ANO3: variants seen among roughly 807,000 people sequenced by gnomAD.
The protein encoded by ANO3 is anoctamin 3.
Under a neutral mutation model 144.8 loss-of-function variants are expected in ANO3, and 99 were observed. The observed-to-expected ratio is 0.68, with a 90% confidence interval of 0.58 to 0.81. The LOEUF (loss-of-function observed/expected upper bound fraction) is 0.81, where lower values mean the gene tolerates loss of function less well. Ranked by LOEUF, ANO3 falls within the 30% of genes least tolerant of loss-of-function variation. The pLI, the probability that ANO3 is intolerant of heterozygous loss-of-function variation, is 0.00. For missense variants in ANO3, 905 were observed against 1,202.2 expected (o/e 0.75, Z 3.66); for synonymous variants, 414 against 392.6 (o/e 1.05, Z -0.64).
intron 1 of ANO3, among the ~76,000 whole-genome samples, chr11:26,353,010 A>G (rs1855687563): frequency 6.6e-6 from 1 of 152,186 alleles, no homozygotes; most frequent in Non-Finnish European, 1.5e-5. Context: ...AAGTACAGAG[A>G]TTTATTGCAA....
At chr11:26,581,259 G>A (rs1473417718) in intron 14 of ANO3, among the ~76,000 whole-genome samples, 1 of 150,516 alleles carries the variant, frequency 6.6e-6, no homozygotes, top group Non-Finnish European at 1.5e-5. Context: ...GACATTGTAA[G>A]TCCTCAGTAA....
chr11:26,190,388 T>C (rs2133901892), intron 1 of ANO3, among the ~76,000 whole-genome samples: 1 of 152,266 alleles, frequency 6.6e-6, no homozygotes, highest in Non-Finnish European at 1.5e-5. Flanking sequence ...CATTCTTTTA[T>C]AAATTTTCAT....
At chr11:26,618,897 G>C (rs1233881269) in intron 17 of ANO3, among the ~76,000 whole-genome samples, 1 of 151,954 alleles carries the variant, frequency 6.6e-6, no homozygotes, top group South Asian at 2.1e-4. Context: ...TTTCAATATT[G>C]TATTTAGAAT....
intron 1 of ANO3, among the ~76,000 whole-genome samples, chr11:26,268,603 T>TAAA (rs1303365919): frequency 6.6e-6 from 1 of 152,126 alleles, no homozygotes; most frequent in Non-Finnish European, 1.5e-5. Flanking sequence ...ACTTACTTAT[T>TAAA]GGCTTTTCAA....
chr11:26,643,354 T>G lies in ANO3; in HGVS notation c.2428+20T>G. The G allele has an allele frequency of 6.2e-7, 1 of 1,613,178 alleles. No homozygotes were observed. The highest frequency in any genetic ancestry group is 8.5e-7 in the Non-Finnish European group (1 of 1,179,678). On this transcript the variant is annotated intron_variant, in intron 23 of 26. Transcript: ENST00000256737. ...ACATAGGTAAGATTCGGAAGTTAAA[T>G]GATTTTTACGTTGCTAACACCAATA...
intron 14 of ANO3, chr11:26,566,961 G>T: frequency 8.6e-7 from 1 of 1,168,268 alleles, no homozygotes; most frequent in Non-Finnish European, 1.1e-6. Flanking sequence ...CTTAATAGAT[G>T]CTAACCTCCA....
At chr11:26,331,066 C>T (rs559570522), upstream of ANO3, among the ~76,000 whole-genome samples, 1 of 152,288 alleles carries the variant, frequency 6.6e-6, no homozygotes, top group Non-Finnish European at 1.5e-5. Context: ...GTTCAGCTAG[C>T]TTCTGGTCCT....
chr11:26,649,715 C>A (rs1488153411), intron 24 of ANO3, among the ~76,000 whole-genome samples: 2 of 148,918 alleles, frequency 1.3e-5, no homozygotes, highest in East Asian at 2.0e-4. Flanking sequence ...CCAGCCTGGA[C>A]GACAGGGCAA....
intron 17 of ANO3, among the ~76,000 whole-genome samples, chr11:26,613,524 T>C (rs990232361): frequency 2.6e-5 from 4 of 152,236 alleles, no homozygotes; most frequent in Admixed American, 2.0e-4. Flanking sequence ...TAGAGACTTA[T>C]TGTGTTTCTT....
intron 1 of ANO3, among the ~76,000 whole-genome samples, chr11:26,210,195 T>C (rs1851903517): frequency 6.6e-6 from 1 of 152,214 alleles, no homozygotes; most frequent in East Asian, 1.9e-4. Flanking sequence ...ATTTCATTTC[T>C]CTGCATATGG....
At chr11:26,511,372 C>T (rs935986036) in intron 5 of ANO3, among the ~76,000 whole-genome samples, 1 of 152,138 alleles carries the variant, frequency 6.6e-6, no homozygotes, top group Non-Finnish European at 1.5e-5. Context: ...TCTGTAAAAA[C>T]TCTGCCTATG....
At chr11:26,654,408 T>A (rs567904553) in intron 24 of ANO3, among the ~76,000 whole-genome samples, 10 of 152,128 alleles carry the variant, frequency 6.6e-5, no homozygotes, top group Non-Finnish European at 7.4e-5. Context: ...AATTTTATTT[T>A]CTTTTGTTTG....
chr11:26,314,086 T>C (rs1293819839), intron 1 of ANO3, among the ~76,000 whole-genome samples: 1 of 152,064 alleles, frequency 6.6e-6, no homozygotes. Flanking sequence ...TTAATTTCAA[T>C]GTGGCAAATT....
chr11:26,460,038 G>A (rs1193673448), intron 3 of ANO3: 2 of 446,520 alleles, frequency 4.5e-6, no homozygotes, highest in Admixed American at 2.4e-5. Flanking sequence ...CTTCCCACCA[G>A]TCTTCATTTT....
chr11:26,265,536 C>A (rs1231248307), intron 1 of ANO3, among the ~76,000 whole-genome samples: 10 of 152,264 alleles, frequency 6.6e-5, no homozygotes, highest in African/African-American at 2.4e-4. Context: ...AACAATAAGA[C>A]ACAGTCTCAG....
chr11:26,221,916 A>C (rs1229493480), intron 1 of ANO3, among the ~76,000 whole-genome samples: 17 of 152,176 alleles, frequency 1.1e-4, no homozygotes, highest in Admixed American at 1.1e-3. Flanking sequence ...CCAACACTAG[A>C]GGTCACATTT....
At chr11:26,467,247 G>A (rs1056348405) in intron 4 of ANO3, among the ~76,000 whole-genome samples, 5 of 151,844 alleles carry the variant, frequency 3.3e-5, no homozygotes, top group Non-Finnish European at 5.9e-5. Flanking sequence ...ATTACATTGG[G>A]ATAAATGAGG....
At position 26,350,942 on chromosome 11, in the gene ANO3, T is replaced by C. The variant is rs184639582; in HGVS notation, c.46+18621T>C. On this transcript the variant is annotated intron_variant, in intron 1 of 26. Transcript: ENST00000256737. ...GCAATGAAATCTAATTTCCAGCAATTATATATGAGTACTGAATCTATCATT... is the reference window on the plus strand; with the variant it reads ...GCAATGAAATCTAATTTCCAGCAATCATATATGAGTACTGAATCTATCATT... Among the ~76,000 whole-genome samples, 5 of 152,274 alleles carry C rather than the reference T, an allele frequency of 3.3e-5. No individual in the cohort carries two copies. In the East Asian group the frequency reaches 9.6e-4, roughly 29 times the overall value.
chr11:26,208,356 C>CA (rs891376524), intron 1 of ANO3: 103 of 151,678 alleles, frequency 6.8e-4, no homozygotes, highest in African/African-American at 2.2e-3. Flanking sequence ...CCAAAAAATA[C>CA]AAAAAAAATA....
Sources: gnomAD v4.1 joint callset for allele counts (sites outside exome capture counted in the v4.1 genomes callset) on GRCh38, gnomAD v4.1.1 for gene constraint, MANE v1.5 for transcripts, NCBI Gene and HGNC (gene_info 2026-07-23, HGNC 2026-07-21) for gene names.